PLPP3: variants seen among roughly 807,000 people sequenced by gnomAD.
PLPP3 encodes PAP2 beta.
PLPP3 carries 6 observed loss-of-function variants against 29.6 expected under a neutral mutation model. The ratio of observed to expected loss-of-function variants is 0.20; its 90% CI spans 0.11 to 0.40. PLPP3 has a LOEUF of 0.40. Among genes scored for constraint, PLPP3 ranks in the 10% least tolerant of loss-of-function variants. PLPP3 has a pLI of 1.00. For synonymous variants in PLPP3, 152 were observed against 159.7 expected (o/e 0.95, Z 0.36); for missense variants, 308 against 407.7 (o/e 0.76, Z 2.11).
chr1:56,538,660 C>T (rs184892315), intron 1 of PLPP3: 7 of 306,652 alleles, frequency 2.3e-5, no homozygotes, highest in Admixed American at 3.5e-5. Flanking sequence ...TGTTCCCCAG[C>T]ATGCCGTTGG....
intron 1 of PLPP3, among the ~76,000 whole-genome samples, chr1:56,537,943 T>C (rs1375064774): frequency 2.0e-5 from 3 of 152,120 alleles, no homozygotes; most frequent in Non-Finnish European, 2.9e-5. Context: ...TTCCATCACC[T>C]GCCAAGAAAA....
In PLPP3 at chr1:56,557,032, G is replaced by GAAAGAA. The variant is rs1461612290; in HGVS notation, c.140-19921_140-19920insTTCTTT. On this transcript the variant is annotated intron_variant, in intron 1 of 5. Transcript: ENST00000371250. ...AAAGAGAGAGAGAGAGAGAAAGAGA[G>GAAAGAA]AGAGAGAGAGAGAGAGAGAGAGAGA... 1.4e-3 allele frequency among the ~76,000 whole-genome samples: 15 copies of GAAAGAA among 11,096 alleles called. 1 individual carries two copies. Among genetic ancestry groups the GAAAGAA allele is most frequent in the Admixed American group, 0.012 (9 of 770 alleles). 7.3% of individuals were successfully genotyped at this position (11,096 alleles called of 152,430 possible).
chr1:56,509,046 T>C (rs80051197), intron 5 of PLPP3, among the ~76,000 whole-genome samples: 1,563 of 152,294 alleles, frequency 0.01, 25 homozygotes, highest in African/African-American at 0.036. Flanking sequence ...ATGGCTTCAA[T>C]GAAATGAATC....
intron 5 of PLPP3, among the ~76,000 whole-genome samples, chr1:56,503,406 C>T (rs1026393032): frequency 6.6e-6 from 1 of 152,072 alleles, no homozygotes; most frequent in East Asian, 1.9e-4. Context: ...TAAAATCCAC[C>T]GGCTGGCCGC....
chr1:56,562,036 C>CA lies in PLPP3; in HGVS notation c.139+16841dup, dbSNP rs71048439. 9.8e-5 allele frequency among the ~76,000 whole-genome samples: 5 copies of CA among 50,968 alleles called. 1 individual carries two copies. The highest frequency in any genetic ancestry group is 4.3e-4 in the African/African-American group (5 of 11,752). The allele number at this position is 50,968 out of a possible 152,430, so 33.4% of individuals were successfully genotyped here. A position where few individuals can be genotyped will look rare whatever the true frequency, so the allele number is the denominator to read the frequency against. The stretch of plus-strand genomic sequence containing the variant: ...AGTGACAAAGCAAGACTCCGTTTCA[C>CA]AAAAAAAAAAAAAAAAAAAAAAAAA... On this transcript the variant is annotated intron_variant, in intron 1 of 5. Coordinates refer to ENST00000371250, the MANE Select transcript of PLPP3 (RefSeq NM_003713.5).
intron 2 of PLPP3, among the ~76,000 whole-genome samples, chr1:56,527,743 G>C (rs1759752): frequency 0.47 from 70,919 of 151,864 alleles, 16,840 homozygotes; most frequent in African/African-American, 0.53. Context: ...TATGAACCAG[G>C]CGGACTTGGC....
intron 1 of PLPP3, among the ~76,000 whole-genome samples, chr1:56,567,152 CAGTG>C (rs1646166291): frequency 6.6e-6 from 1 of 152,178 alleles, no homozygotes; most frequent in African/African-American, 2.4e-5. Context: ...AAGTGCTACT[CAGTG>C]GGTGAGCGGG....
chr1:56,547,708 A>C (rs533569182), intron 1 of PLPP3, among the ~76,000 whole-genome samples: 92 of 152,222 alleles, frequency 6.0e-4, no homozygotes, highest in African/African-American at 2.1e-3. Flanking sequence ...CCAGCTGCCC[A>C]AGGGCTAAGG....
intron 5 of PLPP3, among the ~76,000 whole-genome samples, chr1:56,507,570 G>A (rs1456809575): frequency 6.6e-6 from 1 of 152,186 alleles, no homozygotes; most frequent in Non-Finnish European, 1.5e-5. Context: ...GGAAGAAAGT[G>A]CAAAAGGCCA....
chr1:56,536,280 C>T lies in PLPP3; in HGVS notation c.297+675G>A, dbSNP rs75109779. On this transcript the variant is annotated intron_variant, in intron 2 of 5. Transcript: ENST00000371250. ...TCTTCCTAGAAACTCAAACCCACAA[C>T]TGTCAATTTGGAGCACACAGGAAAA... is the stretch of plus-strand genomic sequence containing the variant. Among the ~76,000 whole-genome samples, 87 of 152,326 alleles carry T rather than the reference C, an allele frequency of 5.7e-4. No individual in the cohort carries two copies. In the East Asian group the frequency reaches 0.017, roughly 29 times the overall value.
At chr1:56,574,494 ATCC>A (rs1174234921) in intron 1 of PLPP3, among the ~76,000 whole-genome samples, 5 of 152,142 alleles carry the variant, frequency 3.3e-5, no homozygotes, top group African/African-American at 1.2e-4. Flanking sequence ...AGCTCAAGTA[ATCC>A]TCCTGCCTCT....
intron 5 of PLPP3, among the ~76,000 whole-genome samples, chr1:56,505,394 C>T (rs1352799628): frequency 6.6e-6 from 1 of 152,226 alleles, no homozygotes; most frequent in Admixed American, 6.5e-5. Context: ...TTCGTCAGCT[C>T]ATCCATCTTA....
intron 2 of PLPP3, among the ~76,000 whole-genome samples, chr1:56,529,332 T>C (rs1645871792): frequency 1.3e-5 from 2 of 152,096 alleles, no homozygotes; most frequent in African/African-American, 4.8e-5. Context: ...TACTAGGCAG[T>C]AGTATGTATG....
chr1:56,551,420 C>A (rs559816377), intron 1 of PLPP3, among the ~76,000 whole-genome samples: 2 of 152,082 alleles, frequency 1.3e-5, no homozygotes, highest in African/African-American at 4.8e-5. Flanking sequence ...ATTCTCAGGA[C>A]CTTCATTTGC....
intron 4 of PLPP3, among the ~76,000 whole-genome samples, chr1:56,514,687 C>A (rs1645769102): frequency 6.6e-6 from 1 of 152,178 alleles, no homozygotes. Context: ...CCTTTAATCA[C>A]TATTTTCAGA....
intron 1 of PLPP3, among the ~76,000 whole-genome samples, chr1:56,540,268 G>A (rs1350326446): frequency 6.6e-6 from 1 of 152,090 alleles, no homozygotes; most frequent in Non-Finnish European, 1.5e-5. Context: ...TATATATTAA[G>A]TTACAAGGAA....
chr1:56,515,239 G>A (rs1645772868), intron 4 of PLPP3, among the ~76,000 whole-genome samples: 1 of 152,172 alleles, frequency 6.6e-6, no homozygotes, highest in African/African-American at 2.4e-5. Flanking sequence ...CAACAAATAG[G>A]TGATTTTATT....
chr1:56,558,018 G>C (rs1026102407), intron 1 of PLPP3, among the ~76,000 whole-genome samples: 5 of 152,182 alleles, frequency 3.3e-5, no homozygotes, highest in Non-Finnish European at 7.3e-5. Flanking sequence ...GCAGCAGAAG[G>C]CTTTGCCAGC....
intron 1 of PLPP3, among the ~76,000 whole-genome samples, chr1:56,570,620 C>G (rs1646191322): frequency 6.6e-6 from 1 of 152,282 alleles, no homozygotes; most frequent in Admixed American, 6.5e-5. Flanking sequence ...AGAACCTGAC[C>G]TAGCCTTCTT....
Sources: gnomAD v4.1 joint callset for allele counts (sites outside exome capture counted in the v4.1 genomes callset) on GRCh38, gnomAD v4.1.1 for gene constraint, MANE v1.5 for transcripts, NCBI Gene and HGNC (gene_info 2026-07-23, HGNC 2026-07-21) for gene names.